The following EXOC2 variants were observed in gnomAD, a reference collection of about 807,000 sequenced individuals.
EXOC2 encodes exocyst complex component 2, also known as SEC5-like 1.
In EXOC2, 70 loss-of-function variants were observed where a neutral mutation model predicts 131.8. The ratio of observed to expected loss-of-function variants is 0.53; its 90% CI spans 0.44 to 0.65. EXOC2 has a LOEUF of 0.65. Among genes scored for constraint, EXOC2 ranks in the 30% least tolerant of loss-of-function variants. EXOC2 has a pLI of 0.00. For synonymous variants in EXOC2, 411 were observed against 398.4 expected, an observed-to-expected ratio of 1.03 and a Z score of -0.38; for missense variants, 923 against 1,108.6, an observed-to-expected ratio of 0.83 and a Z score of 2.38.
intron 10 of EXOC2, among the ~76,000 whole-genome samples, chr6:597,746 T>C (rs1258041296): frequency 6.6e-6 from 1 of 152,190 alleles, no homozygotes; most frequent in Non-Finnish European, 1.5e-5. Flanking sequence ...ACCCCTTTGC[T>C]CAGCAGGAGG....
rs201208187 is a variant in EXOC2, at chr6:598,003, T to C, written c.1073+18A>G. The C allele has an allele frequency of 5.0e-5, 79 of 1,578,614 alleles. 1 individual carries two copies. In the South Asian group the frequency reaches 8.3e-4, roughly 17 times the overall value. ...AACAGATACATGTGATTCAACAAAA[T>C]GTTTGCAGAAGATTTACCTTATGTA... On this transcript the variant is annotated intron_variant, in intron 10 of 27. Transcript: ENST00000230449.
intron 22 of EXOC2, among the ~76,000 whole-genome samples, chr6:534,433 C>CAGAG (rs34753404): frequency 1.1e-3 from 163 of 148,584 alleles, no homozygotes; most frequent in Admixed American, 2.1e-3. Flanking sequence ...GAGAGAGAGA[C>CAGAG]AGAGAGAGAG....
intron 23 of EXOC2, among the ~76,000 whole-genome samples, chr6:522,478 G>C (rs1294830793): frequency 6.6e-6 from 1 of 151,184 alleles, no homozygotes; most frequent in Non-Finnish European, 1.5e-5. Flanking sequence ...CGGACTGCAG[G>C]ACAGCGTGTG....
At chr6:570,990 C>A (rs1012637139) in intron 13 of EXOC2, among the ~76,000 whole-genome samples, 12 of 152,002 alleles carry the variant, frequency 7.9e-5, no homozygotes, top group Admixed American at 1.3e-4. Flanking sequence ...CACAGCTCAC[C>A]CAGCTGAGAT....
intron 12 of EXOC2, among the ~76,000 whole-genome samples, chr6:576,201 G>A (rs1308421991): frequency 6.6e-6 from 1 of 152,070 alleles, no homozygotes; most frequent in Non-Finnish European, 1.5e-5. Context: ...ATCTAATTTG[G>A]TGCAAGAATG....
chr6:648,033 T>C (rs1762659520), intron 1 of EXOC2, among the ~76,000 whole-genome samples: 1 of 152,152 alleles, frequency 6.6e-6, no homozygotes, highest in Admixed American at 6.5e-5. Context: ...CCATGAAGAA[T>C]TACCTACATA....
intron 4 of EXOC2, among the ~76,000 whole-genome samples, chr6:624,258 G>A (rs1409721323): frequency 6.6e-6 from 1 of 152,200 alleles, no homozygotes; most frequent in Non-Finnish European, 1.5e-5. Flanking sequence ...CCAACGGGAA[G>A]CAGCAGTAAT....
intron 1 of EXOC2, among the ~76,000 whole-genome samples, chr6:647,835 T>C (rs1483053583): frequency 6.6e-6 from 1 of 151,688 alleles, no homozygotes; most frequent in Non-Finnish European, 1.5e-5. Flanking sequence ...TCTGTCCAAC[T>C]AAAAGTAATG....
At chr6:561,112 G>T (rs961119765) in intron 17 of EXOC2, among the ~76,000 whole-genome samples, 3 of 151,972 alleles carry the variant, frequency 2.0e-5, no homozygotes, top group African/African-American at 7.3e-5. Flanking sequence ...GATTTAATTT[G>T]CAAAAAAGCA....
intron 22 of EXOC2, among the ~76,000 whole-genome samples, chr6:543,469 G>C (rs1422175865): frequency 6.6e-6 from 1 of 152,166 alleles, no homozygotes; most frequent in Non-Finnish European, 1.5e-5. Context: ...GCAGAGTGAG[G>C]CCAGGAAAGG....
intron 25 of EXOC2, among the ~76,000 whole-genome samples, chr6:495,187 G>A (rs2127473725): frequency 6.9e-6 from 1 of 144,104 alleles, no homozygotes; most frequent in East Asian, 2.1e-4. Context: ...CTGCAGTGGT[G>A]CGATCTCGGC....
At chr6:598,828 GAGA>G (rs760856627) in intron 9 of EXOC2, 29 bp downstream of exon 9, 3 of 1,525,440 alleles carry the variant, frequency 2.0e-6, no homozygotes, top group East Asian at 4.5e-5. Context: ...AAAAGGAAAG[GAGA>G]AGATCTAAAA....
At chr6:491,327 G>C (rs1483481914) in intron 25 of EXOC2, 141 bp from the exon 26 acceptor site, 1 of 685,936 alleles carries the variant, frequency 1.5e-6, no homozygotes, top group Non-Finnish European at 2.4e-6. Context: ...CCAGTCATGA[G>C]TAGAGTTTCT....
At chr6:533,175 A>C (rs887887486) in intron 22 of EXOC2, among the ~76,000 whole-genome samples, 1 of 152,198 alleles carries the variant, frequency 6.6e-6, no homozygotes, top group Non-Finnish European at 1.5e-5. Context: ...GGGATTACAA[A>C]TCAAGAGGAG....
chr6:647,852 C>G (rs1009441048), intron 1 of EXOC2, among the ~76,000 whole-genome samples: 5 of 151,744 alleles, frequency 3.3e-5, no homozygotes, highest in Non-Finnish European at 1.5e-5. Context: ...AATGTCTGGT[C>G]ATAAAAGGTA....
At chr6:577,499 G>A (rs959620048) in intron 11 of EXOC2, among the ~76,000 whole-genome samples, 1 of 152,048 alleles carries the variant, frequency 6.6e-6, no homozygotes, top group Admixed American at 6.6e-5. Flanking sequence ...AGTCTACCCC[G>A]ATGTTTTCCA....
At chr6:604,392 C>A (rs546563089) in intron 7 of EXOC2, among the ~76,000 whole-genome samples, 1 of 152,308 alleles carries the variant, frequency 6.6e-6, no homozygotes, top group East Asian at 1.9e-4. Flanking sequence ...TCCATTACTA[C>A]ACACATTACT....
At position 516,708 on chromosome 6, in the gene EXOC2, C is replaced by T. The variant is rs190253223; in HGVS notation, c.2380+15761G>A. On this transcript the variant is annotated intron_variant, in intron 23 of 27. Transcript: ENST00000230449. The stretch of plus-strand genomic sequence containing the variant: ...GTAGCATCTACGCAAGTATCTGTCA[C>T]TATCTGTGTACCACAGGGCACACAG... Among the ~76,000 whole-genome samples, 11 of 152,376 alleles carry T rather than the reference C, an allele frequency of 7.2e-5. No homozygotes were observed. In the East Asian group the frequency reaches 2.1e-3, roughly 29 times the overall value.
At chr6:675,478 G>A (rs923712605) in intron 1 of EXOC2, among the ~76,000 whole-genome samples, 1 of 152,136 alleles carries the variant, frequency 6.6e-6, no homozygotes, top group Non-Finnish European at 1.5e-5. Context: ...AAAGAAATGG[G>A]CGCCCCATCA....
Sources: gnomAD v4.1 joint callset for allele counts (sites outside exome capture counted in the v4.1 genomes callset) on GRCh38, gnomAD v4.1.1 for gene constraint, MANE v1.5 for transcripts, NCBI Gene and HGNC (gene_info 2026-07-23, HGNC 2026-07-21) for gene names.